The following MTA2 variants were observed in gnomAD, a reference collection of about 807,000 sequenced individuals.
MTA2 encodes the protein metastasis-associated protein MTA2.
A neutral mutation model predicts 87.1 loss-of-function variants in MTA2; 22 were observed. The ratio of observed to expected loss-of-function variants is 0.25; its 90% CI spans 0.18 to 0.36. The LOEUF (loss-of-function observed/expected upper bound fraction) is 0.36, where lower values mean the gene tolerates loss of function less well. MTA2 is among the 10% of genes least tolerant of loss of function. The probability of loss-of-function intolerance (pLI) is 1.00; values close to 1 mark genes in which losing one functional copy is unlikely to be tolerated. For synonymous variants in MTA2, 314 were observed against 310.1 expected (o/e 1.01, Z -0.13); for missense variants, 542 against 853.2 (o/e 0.64, Z 4.54).
Position 62,601,374 on chromosome 11 carries a change from C to T in MTA2, c.28+49G>A, listed in dbSNP as rs1942195100. On this transcript the variant is annotated intron_variant, in intron 1 of 17. Coordinates refer to ENST00000278823, the MANE Select transcript of MTA2 (RefSeq NM_004739.4). ...CGGTGCCGAGCCCCTCAGGTCCCTACCCCAACCTCTCCCGCCCCGGGCCCC... is the reference window on the plus strand; with the variant it reads ...CGGTGCCGAGCCCCTCAGGTCCCTATCCCAACCTCTCCCGCCCCGGGCCCC... The T allele has an allele frequency of 3.7e-6, 6 of 1,603,036 alleles. No individual in the cohort carries two copies. In the African/African-American group the frequency reaches 4.1e-5, roughly 11 times the overall value.
chr11:62,595,568 G>T lies in MTA2; in HGVS notation c.1255-76C>A. On this transcript the variant is annotated intron_variant, in intron 13 of 17. Coordinates refer to ENST00000278823, the MANE Select transcript of MTA2 (RefSeq NM_004739.4). This position sits in a 1 kb window ranked among gnomAD's most constrained non-coding sequence, Gnocchi z 4.9. ...CCCTTCTTTCTTCCATTCCCTGCAG[G>T]GGACAATTTATTCCTGTCTAATCTC... is the stretch of plus-strand genomic sequence containing the variant. The T allele has an allele frequency of 1.3e-6, 2 of 1,560,598 alleles. No homozygotes were observed. The highest frequency in any genetic ancestry group is 1.8e-6 in the Non-Finnish European group (2 of 1,140,582).
In MTA2 at chr11:62,598,397, G is replaced by T. The variant is rs547210469; in HGVS notation, c.309-7C>A. On this transcript the variant is annotated splice_polypyrimidine_tract_variant and splice_region_variant and intron_variant, in intron 4 of 17. Coordinates refer to ENST00000278823, the MANE Select transcript of MTA2 (RefSeq NM_004739.4). ...GGTCACACTGCATTTCCCCCTATAGGAGAGAGATTGGAAAACCCCGGTGAG... is the reference window on the plus strand; with the variant it reads ...GGTCACACTGCATTTCCCCCTATAGTAGAGAGATTGGAAAACCCCGGTGAG... 1.9e-6 allele frequency: 3 copies of T among 1,613,898 alleles called. No individual in the cohort carries two copies. In the Admixed American group the frequency reaches 5.0e-5, roughly 27 times the overall value.
chr11:62,594,834 C>A, intron 15 of MTA2, 147 bp downstream of exon 15: 1 of 896,070 alleles, frequency 1.1e-6, no homozygotes, highest in Non-Finnish European at 1.8e-6. Context: ...GAATAGTTTA[C>A]AAAAAAAATT....
intron 9 of MTA2, 42 bp downstream of exon 9, chr11:62,596,595 C>G: frequency 6.2e-7 from 1 of 1,611,904 alleles, no homozygotes; most frequent in Non-Finnish European, 8.5e-7. Flanking sequence ...GTTCCCTCAC[C>G]TGTCATCTCT....
chr11:62,600,605 G>A lies in MTA2; in HGVS notation c.96+17C>T, dbSNP rs1412537255. On this transcript the variant is annotated intron_variant, in intron 2 of 17. Transcript: ENST00000278823. ...GACCACTGCGGGAGGGAGGGAGAGGGATTCTGCTCCACTCACCTTGTTGAG... is the reference window on the plus strand; with the variant it reads ...GACCACTGCGGGAGGGAGGGAGAGGAATTCTGCTCCACTCACCTTGTTGAG... The A allele has an allele frequency of 1.2e-6, 2 of 1,610,748 alleles. No individual in the cohort carries two copies. The highest frequency in any genetic ancestry group is 2.2e-5 in the East Asian group (1 of 44,890).
intron 3 of MTA2, 98 bp from the exon 4 acceptor site, chr11:62,598,737 G>T: frequency 8.8e-7 from 1 of 1,142,260 alleles, no homozygotes; most frequent in Non-Finnish European, 1.3e-6. Flanking sequence ...TATCTTGGCT[G>T]TTTTTTTCTC....
Position 62,595,884 on chromosome 11 carries a change from CTG to C in MTA2, c.1120_1121del (p.Gln374ValfsTer11). On this transcript the variant is annotated frameshift_variant, in exon 13 of 18. Transcript: ENST00000278823. LOFTEE classifies it high-confidence loss of function. The surrounding 1 kb of genome is among the most constrained non-coding windows in gnomAD (Gnocchi z 4.9). ...GLTCESCHTT[Q>X]SAQWYAWGPP... ...GGCCCCAGGCATACCACTGAGCAGA[CTG>C]TGTGGCTGTAGAGTACGGAGAGGAG... 1.2e-6 allele frequency: 2 copies of C among 1,614,172 alleles called. No individual in the cohort carries two copies. The highest frequency in any genetic ancestry group is 1.7e-6 in the Non-Finnish European group (2 of 1,180,048).
intron 15 of MTA2, 59 bp from the exon 16 acceptor site, chr11:62,594,693 T>C: frequency 6.7e-7 from 1 of 1,481,814 alleles, no homozygotes; most frequent in Non-Finnish European, 9.4e-7. Flanking sequence ...CCTTTGTTAC[T>C]TCCATCTCTC....
rs1307923835 is a variant in MTA2 at position 62,601,658 on chromosome 11, G to A, written c.-208C>T. On this transcript the variant is annotated 5_prime_UTR_variant, in exon 1 of 18. Coordinates refer to ENST00000278823, the MANE Select transcript of MTA2 (RefSeq NM_004739.4). Reference sequence around the variant, plus strand: ...CGCCGCAGCTATCGCCTCACTCCCGGGACGCTGAGGCTGGCCCCCGTCCGC... The same window carrying A: ...CGCCGCAGCTATCGCCTCACTCCCGAGACGCTGAGGCTGGCCCCCGTCCGC... The A allele has an allele frequency of 3.2e-5, 18 of 564,606 alleles. No homozygotes were observed. The highest frequency in any genetic ancestry group is 5.4e-5 in the Non-Finnish European group (18 of 331,954). 35.0% of individuals were successfully genotyped at this position (564,606 alleles called of 1,614,324 possible). A position where few individuals can be genotyped will look rare whatever the true frequency, so the allele number is the denominator to read the frequency against.
rs548066908 is a variant in MTA2, at chr11:62,596,878, C to T, written c.694-53G>A. ...GACCTGAAACTTTTGGCACCACTCC[C>T]TTCCTGCTCCTTAAAACACTCCCAC... On this transcript the variant is annotated intron_variant, in intron 8 of 17. Transcript: ENST00000278823. The T allele has an allele frequency of 9.3e-4, 1,427 of 1,540,516 alleles. 9 individuals are homozygous for T. In the Middle Eastern group the frequency reaches 0.021, roughly 23 times the overall value.
chr11:62,600,893 T>A (rs1482488325), intron 1 of MTA2: 2 of 561,154 alleles, frequency 3.6e-6, no homozygotes, highest in South Asian at 2.2e-5. Context: ...TAAAATTAGA[T>A]CCTTTACTCA....
chr11:62,601,106 G>A, intron 1 of MTA2: 2 of 508,780 alleles, frequency 3.9e-6, no homozygotes, highest in Non-Finnish European at 3.4e-6. Context: ...CGTCGCCCCA[G>A]CCCCTCGCGT....
intron 1 of MTA2, 130 bp downstream of exon 1, chr11:62,601,293 C>T: frequency 8.4e-7 from 1 of 1,186,552 alleles, no homozygotes; most frequent in Non-Finnish European, 1.2e-6. Flanking sequence ...CTCCCGGTTC[C>T]GGTTCCGGTC....
At position 62,595,198 on chromosome 11, in the gene MTA2, G is replaced by A; in HGVS notation, c.1483+66C>T. 1 of 1,561,702 alleles carries A rather than the reference G, an allele frequency of 6.4e-7. No homozygotes were observed. Among genetic ancestry groups the A allele is most frequent in the Admixed American group, 1.7e-5 (1 of 58,402 alleles). ...TCCCTCCTGTTATTAGACATCCAGA[G>A]AAACAACGGTCTCTGGGCAGAGCAA... On this transcript the variant is annotated intron_variant, in intron 14 of 17. Transcript: ENST00000278823. The surrounding 1 kb of genome is among the most constrained non-coding windows in gnomAD (Gnocchi z 4.9).
chr11:62,600,154 G>A lies in MTA2; in HGVS notation c.190+12C>T, dbSNP rs1942156955. 3.7e-6 allele frequency: 6 copies of A among 1,610,154 alleles called. No homozygotes were observed. The highest frequency in any genetic ancestry group is 1.1e-5 in the South Asian group (1 of 90,968). ...ATGGGTAGGAGAAAAAGAAAGGGAG[G>A]AAGATACTCACTGGCATTACTATCA... On this transcript the variant is annotated intron_variant, in intron 3 of 17. Transcript: ENST00000278823.
Position 62,597,328 on chromosome 11 carries a change from T to G in MTA2, c.681A>C (p.Arg227=), listed in dbSNP as rs143711288. The G allele has an allele frequency of 3.8e-5, 61 of 1,602,804 alleles. No individual in the cohort carries two copies. Among genetic ancestry groups the G allele is most frequent in the Non-Finnish European group, 4.9e-5 (58 of 1,176,888 alleles). The change falls in exon 8 of 18, where the codon CGA becomes CGC. Residue 227 remains arginine (R), a synonymous_variant. Transcript: ENST00000278823. ...AACTTCTGCTCACCAGAGTGATATC[T>G]CGGGAGGCAGCAGCTGCACTCATGT... ...SLHMSAAAAS[R]DITLFHAMDT...
chr11:62,596,841 A>T lies in MTA2; in HGVS notation c.694-16T>A, dbSNP rs369442956. ...TGGCGTGAAACTATGGGGAAGATGG[A>T]GAGCAACTGAGGACCTGAAACTTTT... On this transcript the variant is annotated splice_polypyrimidine_tract_variant and intron_variant, in intron 8 of 17. Transcript: ENST00000278823. 7.6e-5 allele frequency: 121 copies of T among 1,583,554 alleles called. 1 individual carries two copies. The African/African-American group carries it at 1.4e-3, about 19-fold the overall frequency.
At chr11:62,599,449 G>A (rs1008580172) in intron 3 of MTA2, 1 of 152,174 alleles carries the variant, frequency 6.6e-6, no homozygotes, top group Non-Finnish European at 1.5e-5. Flanking sequence ...AAACCCTAAA[G>A]GGCCAAGGAA....
Position 62,598,514 on chromosome 11 carries a change from T to C in MTA2, c.308+8A>G. 6.2e-7 allele frequency: 1 copy of C among 1,613,702 alleles called. No homozygotes were observed. Among genetic ancestry groups the C allele is most frequent in the South Asian group, 1.1e-5 (1 of 91,080 alleles). The stretch of plus-strand genomic sequence containing the variant: ...ACGCAGGCTATGCTGGCCCCAGTTG[T>C]CCTGTACCGTATGTGGGTGGCTGGT... On this transcript the variant is annotated splice_region_variant and intron_variant, in intron 4 of 17. Coordinates refer to ENST00000278823, the MANE Select transcript of MTA2 (RefSeq NM_004739.4).
Sources: gnomAD v4.1 joint callset for allele counts on GRCh38, gnomAD v4.1.1 for gene constraint, Gnocchi (gnomAD v3.1) non-coding constraint, MANE v1.5 for transcripts, NCBI Gene and HGNC (gene_info 2026-07-23, HGNC 2026-07-21) for gene names.